Variants in PDZRN4 observed in about 807,000 individuals in gnomAD.
The protein encoded by PDZRN4 is PDZ domain containing ring finger 4.
PDZRN4 carries 70 observed loss-of-function variants against 99.0 expected under a neutral mutation model. The ratio of observed to expected loss-of-function variants is 0.71; its 90% CI spans 0.58 to 0.86. PDZRN4 has a LOEUF of 0.86. Ranked by LOEUF, PDZRN4 falls within the 40% of genes least tolerant of loss-of-function variation. PDZRN4 has a pLI of 0.00. For missense variants in PDZRN4, 1,474 were observed against 1,331.2 expected, an observed-to-expected ratio of 1.11 and a Z score of -1.67; for synonymous variants, 551 against 501.6, an observed-to-expected ratio of 1.10 and a Z score of -1.32.
intron 3 of PDZRN4, among the ~76,000 whole-genome samples, chr12:41,384,552 C>T (rs1952152123): frequency 1.3e-5 from 2 of 152,112 alleles, no homozygotes; most frequent in Non-Finnish European, 2.9e-5. Context: ...CTTGGAGAGA[C>T]CCAGATGTCC....
chr12:41,394,872 CTT>C (rs1952235822), intron 3 of PDZRN4, among the ~76,000 whole-genome samples: 1 of 152,072 alleles, frequency 6.6e-6, no homozygotes, highest in South Asian at 2.1e-4. Flanking sequence ...AAGCCACAGT[CTT>C]TTTATAACCT....
intron 5 of PDZRN4, among the ~76,000 whole-genome samples, chr12:41,524,298 G>A (rs1463460533): frequency 6.6e-6 from 1 of 152,138 alleles, no homozygotes; most frequent in Non-Finnish European, 1.5e-5. Flanking sequence ...GTGATCTACA[G>A]ATTCAATGCA....
At chr12:41,260,136 A>T (rs1225473751) in intron 3 of PDZRN4, among the ~76,000 whole-genome samples, 3 of 152,174 alleles carry the variant, frequency 2.0e-5, no homozygotes, top group African/African-American at 7.2e-5. Context: ...CAAAAGTAAG[A>T]TCTTTCAGAT....
At chr12:41,348,662 T>A (rs1417499431) in intron 3 of PDZRN4, among the ~76,000 whole-genome samples, 1 of 152,122 alleles carries the variant, frequency 6.6e-6, no homozygotes, top group Non-Finnish European at 1.5e-5. Context: ...AGCACTCTGC[T>A]GCATACTTAA....
intron 5 of PDZRN4, among the ~76,000 whole-genome samples, chr12:41,517,313 G>T (rs1938418282): frequency 6.6e-6 from 1 of 151,970 alleles, no homozygotes; most frequent in African/African-American, 2.4e-5. Flanking sequence ...TTATCAAAAT[G>T]CCGACATTCA....
At chr12:41,511,103 T>G (rs1169682130) in intron 5 of PDZRN4, among the ~76,000 whole-genome samples, 3 of 152,084 alleles carry the variant, frequency 2.0e-5, no homozygotes, top group Admixed American at 2.0e-4. Flanking sequence ...GATTCTTATG[T>G]TTTCCTTTTG....
intron 3 of PDZRN4, among the ~76,000 whole-genome samples, chr12:41,470,897 T>G (rs1405157138): frequency 6.6e-6 from 1 of 152,176 alleles, no homozygotes. Context: ...CAGCATGAAC[T>G]TCTGGTAGAG....
In PDZRN4 at chr12:41,392,857, G is replaced by A. The variant is rs1952219218; in HGVS notation, c.844-113599G>A. ...AAGGCAAAGTAGCCCAGATAGTGGAGGAAAATATTCTAAGTTTATAATTAG... is the reference window on the plus strand; with the variant it reads ...AAGGCAAAGTAGCCCAGATAGTGGAAGAAAATATTCTAAGTTTATAATTAG... On this transcript the variant is annotated intron_variant, in intron 3 of 9. Coordinates refer to ENST00000402685, the MANE Select transcript of PDZRN4 (RefSeq NM_001164595.2). Among the ~76,000 whole-genome samples the A allele has an allele frequency of 2.0e-5, 3 of 152,146 alleles. No homozygotes were observed. In the South Asian group the frequency reaches 6.2e-4, roughly 32 times the overall value.
chr12:41,297,070 G>A (rs1191609967), intron 3 of PDZRN4, among the ~76,000 whole-genome samples: 2 of 152,128 alleles, frequency 1.3e-5, no homozygotes, highest in African/African-American at 4.8e-5. Flanking sequence ...AGTTTCTTAG[G>A]GATGAACTAA....
intron 3 of PDZRN4, among the ~76,000 whole-genome samples, chr12:41,303,736 T>C (rs74746484): frequency 0.023 from 3,508 of 152,270 alleles, 64 homozygotes; most frequent in Non-Finnish European, 0.034. Context: ...CTTCCACATG[T>C]CCACCAAAGG....
intron 3 of PDZRN4, among the ~76,000 whole-genome samples, chr12:41,202,802 A>G (rs1035512890): frequency 2.6e-5 from 4 of 152,098 alleles, no homozygotes; most frequent in Admixed American, 2.0e-4. Context: ...TGAGCAATTG[A>G]CTATGCTGCT....
intron 5 of PDZRN4, among the ~76,000 whole-genome samples, chr12:41,533,287 G>A (rs77221141): frequency 5.3e-5 from 8 of 151,350 alleles, no homozygotes; most frequent in African/African-American, 1.7e-4. Context: ...CAATTCTCCC[G>A]CCTCAGCCTC....
chr12:41,335,584 C>T (rs10785236), intron 3 of PDZRN4, among the ~76,000 whole-genome samples: 58,433 of 151,902 alleles, frequency 0.38, 11,325 homozygotes, highest in African/African-American at 0.41. Flanking sequence ...GCAAACACTC[C>T]GTAGTATACA....
At chr12:41,555,094 G>T (rs1939128363) in intron 6 of PDZRN4, among the ~76,000 whole-genome samples, 1 of 148,802 alleles carries the variant, frequency 6.7e-6, no homozygotes, top group African/African-American at 2.5e-5. Context: ...AGCCAGGCGT[G>T]GTGGCAGGCA....
chr12:41,373,738 A>C (rs971582689), intron 3 of PDZRN4, among the ~76,000 whole-genome samples: 3 of 152,166 alleles, frequency 2.0e-5, no homozygotes, highest in Non-Finnish European at 4.4e-5. Flanking sequence ...AGATGACGGG[A>C]TTAAGAGACT....
chr12:41,391,328 A>G (rs1952210162), intron 3 of PDZRN4, among the ~76,000 whole-genome samples: 1 of 152,150 alleles, frequency 6.6e-6, no homozygotes, highest in Admixed American at 6.6e-5. Flanking sequence ...GTCATAAGCA[A>G]TTTTCAAAAA....
chr12:41,447,630 C>T (rs2120489730), intron 3 of PDZRN4, among the ~76,000 whole-genome samples: 1 of 152,222 alleles, frequency 6.6e-6, no homozygotes, highest in East Asian at 1.9e-4. Flanking sequence ...GGTATCATTT[C>T]AGTCTAACAA....
At chr12:41,189,923 C>G (rs1409493252) in intron 1 of PDZRN4, among the ~76,000 whole-genome samples, 2 of 152,172 alleles carry the variant, frequency 1.3e-5, no homozygotes, top group Non-Finnish European at 2.9e-5. Context: ...GAACTGCGCT[C>G]CTGGTCCTCC....
chr12:41,488,976 C>G (rs370672099), intron 3 of PDZRN4, among the ~76,000 whole-genome samples: 38 of 152,284 alleles, frequency 2.5e-4, no homozygotes, highest in Admixed American at 5.2e-4. Context: ...TTTTCTAACC[C>G]ACAGCCCATG....
Sources: allele counts gnomAD v4.1 joint callset (sites outside exome capture counted in the v4.1 genomes callset), GRCh38; gene constraint gnomAD v4.1.1; transcripts MANE v1.5; gene names NCBI Gene and HGNC (gene_info 2026-07-23, HGNC 2026-07-21).